STXBP3: variants seen among roughly 807,000 people sequenced by gnomAD.
STXBP3 encodes syntaxin-binding protein 3.
Under a neutral mutation model 85.7 loss-of-function variants are expected in STXBP3, and 41 were observed. That is an observed-to-expected ratio of 0.48 (90% confidence interval 0.37 to 0.62). The LOEUF (loss-of-function observed/expected upper bound fraction) is 0.62. Ranked by LOEUF, STXBP3 falls within the 20% of genes least tolerant of loss-of-function variation. STXBP3 has a pLI of 0.00. For missense variants in STXBP3, 563 were observed against 703.1 expected (o/e 0.80, Z 2.25); for synonymous variants, 229 against 231.7 (o/e 0.99, Z 0.10).
chr1:108,757,029 T>G (rs1403936925), intron 4 of STXBP3: 4 of 250,202 alleles, frequency 1.6e-5, no homozygotes, highest in Non-Finnish European at 3.0e-5. Context: ...GCATGTTTTG[T>G]TTTTCATGCA....
At chr1:108,749,024 ACT>A (rs1661851836) in intron 1 of STXBP3, among the ~76,000 whole-genome samples, 2 of 152,076 alleles carry the variant, frequency 1.3e-5, no homozygotes, top group South Asian at 4.1e-4. Flanking sequence ...CAGGAAGGTG[ACT>A]CTGACAGCTG....
At chr1:108,808,481 A>C (rs561149037) in intron 18 of STXBP3, among the ~76,000 whole-genome samples, 1 of 152,344 alleles carries the variant, frequency 6.6e-6, no homozygotes, top group African/African-American at 2.4e-5. Context: ...TTGAACAATA[A>C]CTGTTATAGT....
At chr1:108,788,058 CTGAGATTACAGGCGT>C (rs1275287823) in intron 11 of STXBP3, among the ~76,000 whole-genome samples, 2 of 152,186 alleles carry the variant, frequency 1.3e-5, no homozygotes, top group African/African-American at 4.8e-5. Context: ...TCTCGAAATG[CTGAGATTACAGGCGT>C]GAGCCACCAC....
chr1:108,755,299 TA>T (rs946877555), intron 3 of STXBP3, among the ~76,000 whole-genome samples: 62 of 151,886 alleles, frequency 4.1e-4, no homozygotes, highest in African/African-American at 1.4e-3. Flanking sequence ...CCAAAAAAAT[TA>T]ACCAAGCATG....
At chr1:108,764,193 T>A (rs919451802) in intron 6 of STXBP3, among the ~76,000 whole-genome samples, 5 of 152,196 alleles carry the variant, frequency 3.3e-5, no homozygotes, top group Admixed American at 2.6e-4. Context: ...GCTCCATCCA[T>A]GTTCCTGCTA....
At chr1:108,749,696 T>G (rs911977857) in intron 1 of STXBP3, among the ~76,000 whole-genome samples, 1 of 152,212 alleles carries the variant, frequency 6.6e-6, no homozygotes, top group African/African-American at 2.4e-5. Flanking sequence ...CCTTACTATC[T>G]CCATAAAACT....
intron 13 of STXBP3, 42 bp downstream of exon 13, chr1:108,794,949 C>A (rs1663059603): frequency 6.6e-7 from 1 of 1,526,654 alleles, no homozygotes; most frequent in Non-Finnish European, 8.9e-7. Context: ...TAACAAATTT[C>A]AAGGATAAAC....
chr1:108,750,546 C>G (rs1310897031), intron 1 of STXBP3, among the ~76,000 whole-genome samples: 2 of 152,158 alleles, frequency 1.3e-5, no homozygotes, highest in Non-Finnish European at 2.9e-5. Flanking sequence ...ACATTTCTGA[C>G]ACCAAATATG....
chr1:108,749,199 A>AAT (rs1306543828), intron 1 of STXBP3, among the ~76,000 whole-genome samples: 2 of 152,184 alleles, frequency 1.3e-5, no homozygotes, highest in Non-Finnish European at 2.9e-5. Flanking sequence ...CAATATGCCT[A>AAT]ATAGGTGGGC....
At position 108,788,011 on chromosome 1, in the gene STXBP3, C is replaced by T. The variant is rs1408095376; in HGVS notation, c.963+5305C>T. Reference sequence around the variant, plus strand: ...TTCACCATATTGCTCAGGCTGGTCTCGAACTCCTGAGCTCAGACAATCCTC... The same window carrying T: ...TTCACCATATTGCTCAGGCTGGTCTTGAACTCCTGAGCTCAGACAATCCTC... On this transcript the variant is annotated intron_variant, in intron 11 of 18. Coordinates refer to ENST00000370008, the MANE Select transcript of STXBP3 (RefSeq NM_007269.4). Among the ~76,000 whole-genome samples, 7 of 152,204 alleles carry T rather than the reference C, an allele frequency of 4.6e-5. No homozygotes were observed. In the East Asian group the frequency reaches 7.7e-4, roughly 17 times the overall value.
intron 6 of STXBP3, among the ~76,000 whole-genome samples, chr1:108,766,602 C>A (rs1401720585): frequency 6.6e-6 from 1 of 152,106 alleles, no homozygotes; most frequent in Non-Finnish European, 1.5e-5. Context: ...GTTTTCTGGG[C>A]CACACTGCTG....
In STXBP3 at chr1:108,761,979, A is replaced by T. The variant is rs796270830; in HGVS notation, c.438+1894A>T. Among the ~76,000 whole-genome samples, 608 of 152,286 alleles carry T rather than the reference A, an allele frequency of 4.0e-3. 1 individual carries two copies. Among genetic ancestry groups the T allele is most frequent in the Admixed American group, 8.4e-3 (129 of 15,292 alleles). ...CAGAGCGAGACTCCATCTCCAAAAA[A>T]AAAAGAGGTTCTACTTAATAAATCT... On this transcript the variant is annotated intron_variant, in intron 6 of 18. Transcript: ENST00000370008.
At chr1:108,771,566 AATAT>A (rs1258142261) in intron 6 of STXBP3, among the ~76,000 whole-genome samples, 1 of 28,110 alleles carries the variant, frequency 3.6e-5, no homozygotes, top group Non-Finnish European at 7.2e-5. Context: ...ATGATATATA[AATAT>A]ATATGATATA....
intron 1 of STXBP3, among the ~76,000 whole-genome samples, chr1:108,749,103 A>G (rs1244970138): frequency 6.6e-6 from 1 of 152,218 alleles, no homozygotes. Context: ...ATAGGATTCT[A>G]TTGCAGTACT....
At chr1:108,803,335 C>T (rs1421132367) in intron 17 of STXBP3, among the ~76,000 whole-genome samples, 1 of 152,096 alleles carries the variant, frequency 6.6e-6, no homozygotes, top group East Asian at 1.9e-4. Flanking sequence ...CTTTTTTACC[C>T]CCCATATTAC....
Position 108,796,285 on chromosome 1 carries a change from C to A in STXBP3, c.1162C>A (p.Arg388=), listed in dbSNP as rs760246249. 2 of 1,613,430 alleles carry A rather than the reference C, an allele frequency of 1.2e-6. No homozygotes were observed. The highest frequency in any genetic ancestry group is 1.7e-6 in the Non-Finnish European group (2 of 1,179,554). Residue 388 remains arginine, a synonymous_variant, in exon 14 of 19, where the codon CGA becomes AGA. Coordinates refer to ENST00000370008, the MANE Select transcript of STXBP3 (RefSeq NM_007269.4). ...AGGACAGAAGGTGAAAGATTCCATG[C>A]GAGTACTCCTTCCAGTTCTACTCAA... is the stretch of plus-strand genomic sequence containing the variant. ...AEGQKVKDSM[R]VLLPVLLNKN... is the part of the protein sequence containing the mutation.
intron 16 of STXBP3, among the ~76,000 whole-genome samples, chr1:108,798,541 G>A (rs1259232369): frequency 1.3e-5 from 2 of 149,500 alleles, no homozygotes; most frequent in African/African-American, 4.9e-5. Flanking sequence ...TCAGCCTCCC[G>A]AGTAGCTGGG....
At chr1:108,807,109 G>A (rs1663353104) in intron 17 of STXBP3, among the ~76,000 whole-genome samples, 1 of 152,004 alleles carries the variant, frequency 6.6e-6, no homozygotes, top group African/African-American at 2.4e-5. Context: ...AAAATTAGCT[G>A]GGCATGGTGG....
intron 17 of STXBP3, among the ~76,000 whole-genome samples, chr1:108,801,096 GT>G (rs1275469365): frequency 6.6e-6 from 1 of 151,806 alleles, no homozygotes; most frequent in Admixed American, 6.6e-5. Flanking sequence ...TTTAAAATTT[GT>G]TATTGTACTT....
Sources: gnomAD v4.1 joint callset for allele counts (sites outside exome capture counted in the v4.1 genomes callset) on GRCh38, gnomAD v4.1.1 for gene constraint, MANE v1.5 for transcripts, NCBI Gene and HGNC (gene_info 2026-07-23, HGNC 2026-07-21) for gene names.